The following LPCAT1 variants were observed in gnomAD, a reference collection of about 807,000 sequenced individuals.
The protein encoded by LPCAT1 is lysophosphatidylcholine acyltransferase 1, also known as 1-acylglycerol-3-phosphate O-acyltransferase.
In LPCAT1, 23 loss-of-function variants were observed where a neutral mutation model predicts 60.9. The observed-to-expected ratio is 0.38, with a 90% CI of 0.27 to 0.53. LPCAT1 has a LOEUF of 0.53. Among genes scored for constraint, LPCAT1 ranks in the 20% least tolerant of loss-of-function variants. The pLI is 0.82. For missense variants in LPCAT1, 622 were observed against 723.6 expected, an observed-to-expected ratio of 0.86 and a Z score of 1.61; for synonymous variants, 340 against 301.1, an observed-to-expected ratio of 1.13 and a Z score of -1.34.
chr5:1,470,947 C>A (rs769382808), intron 11 of LPCAT1, 23 bp from the exon 12 acceptor site: 1 of 1,605,530 alleles, frequency 6.2e-7, no homozygotes, highest in South Asian at 1.1e-5. Flanking sequence ...ACGCTCTCAG[C>A]CACAGCTCGG....
intron 12 of LPCAT1, chr5:1,467,210 G>A: frequency 3.2e-6 from 1 of 311,220 alleles, no homozygotes; most frequent in Admixed American, 5.0e-5. Context: ...GCCGCGGAAG[G>A]GTCCTGCCTG....
intron 13 of LPCAT1, 59 bp from the exon 14 acceptor site, chr5:1,463,894 G>A (rs1245602099): frequency 1.3e-6 from 2 of 1,576,810 alleles, no homozygotes; most frequent in South Asian, 1.2e-5. Context: ...TCTAGGATTT[G>A]GAGGCTCTTT....
At position 1,461,807 on chromosome 5, in the gene LPCAT1, G is replaced by A. The variant is rs1434519756; in HGVS notation, c.*1844C>T. 1 of 152,592 alleles carries A rather than the reference G, an allele frequency of 6.6e-6. No homozygotes were observed. Among genetic ancestry groups the A allele is most frequent in the African/African-American group, 2.4e-5 (1 of 41,420 alleles). 9.5% of individuals were successfully genotyped at this position (152,592 alleles called of 1,614,324 possible). A position where few individuals can be genotyped will look rare whatever the true frequency, so the allele number is the denominator to read the frequency against. Reference sequence around the variant, plus strand: ...GACCTGCGGAAGGGAGGTGGCCTGGGTCCCTTCCCTCGGAATATCTTAGTT... The same window carrying A: ...GACCTGCGGAAGGGAGGTGGCCTGGATCCCTTCCCTCGGAATATCTTAGTT... On this transcript the variant is annotated 3_prime_UTR_variant, in exon 14 of 14. Transcript: ENST00000283415.
At chr5:1,486,919 C>A (rs1342263735) in intron 5 of LPCAT1, among the ~76,000 whole-genome samples, 1 of 152,226 alleles carries the variant, frequency 6.6e-6, no homozygotes, top group Non-Finnish European at 1.5e-5. Context: ...AGCGAGCGCC[C>A]TTCCTGGACT....
chr5:1,506,943 GC>G (rs1736204574), intron 1 of LPCAT1, among the ~76,000 whole-genome samples: 1 of 152,314 alleles, frequency 6.6e-6, no homozygotes, highest in Non-Finnish European at 1.5e-5. Context: ...TTCCACAGAA[GC>G]CCCCTTGGCA....
chr5:1,469,889 C>A (rs1734598305), intron 12 of LPCAT1, among the ~76,000 whole-genome samples: 1 of 152,030 alleles, frequency 6.6e-6, no homozygotes, highest in Admixed American at 6.5e-5. Flanking sequence ...GGCAGGCTGC[C>A]CAGGCCTGGA....
chr5:1,470,997 G>A, intron 11 of LPCAT1, 73 bp from the exon 12 acceptor site: 2 of 1,212,174 alleles, frequency 1.6e-6, no homozygotes, highest in South Asian at 2.6e-5. Flanking sequence ...TTTCCCATGG[G>A]TGCTGGTGTT....
intron 10 of LPCAT1, 78 bp from the exon 11 acceptor site, chr5:1,474,188 A>T: frequency 7.0e-7 from 1 of 1,431,476 alleles, no homozygotes; most frequent in South Asian, 1.3e-5. Flanking sequence ...TCTAAGACTC[A>T]TCAAAATATT....
Position 1,466,801 on chromosome 5 carries a change from C to A in LPCAT1, c.1368G>T (p.Val456=), listed in dbSNP as rs760470508. The change falls in exon 13 of 14, where the codon GTG becomes GTT. Residue 456 remains valine (V), a synonymous_variant. Transcript: ENST00000283415. ...KTALGVAELT[V]TDLFRAIDQE... is the part of the protein sequence containing the mutation. ...GGTCAATGGCTCGGAATAGGTCGGT[C>A]ACGGTGAGCTCTGCCACCCCCAGGG... 2.5e-6 allele frequency: 4 copies of A among 1,613,260 alleles called. No individual in the cohort carries two copies. Among genetic ancestry groups the A allele is most frequent in the Non-Finnish European group, 2.5e-6 (3 of 1,179,486 alleles).
rs1416675663 is a variant in LPCAT1 at position 1,523,700 on chromosome 5, G to A, written c.135+10C>T. ...GCCGGCTCCCGGGGCCGCGCGCCCT[G>A]GGCACCCACCTGGGCCTTCTGCAGG... On this transcript the variant is annotated intron_variant, in intron 1 of 13. Transcript: ENST00000283415. This position sits in a 1 kb window ranked among gnomAD's most constrained non-coding sequence, Gnocchi z 7.1. 3 of 1,108,526 alleles carry A rather than the reference G, an allele frequency of 2.7e-6. No individual in the cohort carries two copies. Among genetic ancestry groups the A allele is most frequent in the South Asian group, 3.2e-5 (1 of 31,116 alleles). The allele number at this position is 1,108,526 out of a possible 1,614,324, so 68.7% of individuals were successfully genotyped here.
intron 4 of LPCAT1, among the ~76,000 whole-genome samples, 182 bp from the exon 5 acceptor site, chr5:1,488,633 C>T (rs1735459125): frequency 6.6e-6 from 1 of 152,216 alleles, no homozygotes; most frequent in African/African-American, 2.4e-5. Flanking sequence ...TTCCGCTCTG[C>T]TGGTTTTATT....
intron 11 of LPCAT1, among the ~76,000 whole-genome samples, chr5:1,472,325 G>GTT (rs779456669): frequency 1.3e-5 from 2 of 152,132 alleles, no homozygotes; most frequent in Non-Finnish European, 2.9e-5. Flanking sequence ...ACCACAGGCT[G>GTT]TAGGTGCTAG....
At chr5:1,501,253 G>A (rs190663110) in intron 2 of LPCAT1, among the ~76,000 whole-genome samples, 3 of 152,342 alleles carry the variant, frequency 2.0e-5, no homozygotes, top group Non-Finnish European at 1.5e-5. Flanking sequence ...CCTCAGAGCA[G>A]GACTGTGGCG....
At chr5:1,465,437 CAA>C (rs1240283811) in intron 13 of LPCAT1, among the ~76,000 whole-genome samples, 2 of 149,056 alleles carry the variant, frequency 1.3e-5, no homozygotes, top group Non-Finnish European at 3.0e-5. Flanking sequence ...ACACACAAAA[CAA>C]GCGCAGGTAC....
At chr5:1,465,012 C>A (rs1734292201) in intron 13 of LPCAT1, among the ~76,000 whole-genome samples, 1 of 146,018 alleles carries the variant, frequency 6.8e-6, no homozygotes, top group South Asian at 2.2e-4. Flanking sequence ...AACATGCACA[C>A]ACACAAAACA....
chr5:1,501,414 C>T (rs753549528), intron 2 of LPCAT1, 47 bp downstream of exon 2: 2 of 1,561,580 alleles, frequency 1.3e-6, no homozygotes, highest in African/African-American at 1.4e-5. Context: ...ACTGTTTGGC[C>T]GCGTGACCCC....
At chr5:1,471,447 G>A (rs1734664720) in intron 11 of LPCAT1, among the ~76,000 whole-genome samples, 1 of 152,244 alleles carries the variant, frequency 6.6e-6, no homozygotes, top group Non-Finnish European at 1.5e-5. Context: ...AGTGAGCAGG[G>A]TGGTGAGAGG....
chr5:1,476,332 G>T lies in LPCAT1; in HGVS notation c.899+1072C>A, dbSNP rs571830733. 1.3e-5 allele frequency among the ~76,000 whole-genome samples: 2 copies of T among 152,122 alleles called. No individual in the cohort carries two copies. Among genetic ancestry groups the T allele is most frequent in the African/African-American group, 4.8e-5 (2 of 41,408 alleles). On this transcript the variant is annotated intron_variant, in intron 9 of 13. Coordinates refer to ENST00000283415, the MANE Select transcript of LPCAT1 (RefSeq NM_024830.5). This position sits in a 1 kb window ranked among gnomAD's most constrained non-coding sequence, Gnocchi z 8.6. ...TGGTGGGGGTTGAGTGGAGCTTTGC[G>T]GGACAGAGACTGCCGGGCCCATTTC...
chr5:1,491,106 G>A (rs751683898), intron 3 of LPCAT1, among the ~76,000 whole-genome samples: 5 of 150,254 alleles, frequency 3.3e-5, no homozygotes, highest in Non-Finnish European at 7.4e-5. Context: ...GTGGTTGTCT[G>A]TTGGGTCTCT....
Sources: gnomAD v4.1 joint callset for allele counts (sites outside exome capture counted in the v4.1 genomes callset) on GRCh38, gnomAD v4.1.1 for gene constraint, Gnocchi (gnomAD v3.1) non-coding constraint, MANE v1.5 for transcripts, NCBI Gene and HGNC (gene_info 2026-07-23, HGNC 2026-07-21) for gene names.